CEP57L1: variants seen among roughly 807,000 people sequenced by gnomAD.
CEP57L1 encodes centrosomal protein CEP57L1.
A neutral mutation model predicts 61.0 loss-of-function variants in CEP57L1; 37 were observed. The observed-to-expected ratio is 0.61, with a 90% CI of 0.47 to 0.80. The LOEUF is 0.80. CEP57L1 is among the 30% of genes least tolerant of loss of function. The pLI is 0.00. For synonymous variants in CEP57L1, 137 were observed against 162.3 expected (o/e 0.84, Z 1.19); for missense variants, 422 against 524.7 (o/e 0.80, Z 1.91).
At chr6:109,112,599 A>G in intron 1 of CEP57L1, among the ~76,000 whole-genome samples, 1 of 151,530 alleles carries the variant, frequency 6.6e-6, no homozygotes, top group East Asian at 1.9e-4. Flanking sequence ...TTTCATTGTG[A>G]TGTTAGGTGT....
intron 1 of CEP57L1, among the ~76,000 whole-genome samples, chr6:109,125,524 A>ATATACACATATATATATATATAT (rs1562524338): frequency 7.0e-6 from 1 of 143,002 alleles, no homozygotes; most frequent in African/African-American, 2.6e-5. Context: ...ATATATATAT[A>ATATACACATATATATATATATAT]TTTTTTTTTT....
intron 1 of CEP57L1, among the ~76,000 whole-genome samples, chr6:109,115,409 A>T (rs1220597450): frequency 3.9e-5 from 6 of 152,136 alleles, no homozygotes; most frequent in Non-Finnish European, 8.8e-5. Context: ...TACAAATTAG[A>T]TTACGCTCAG....
chr6:109,160,233 C>A (rs1773595565), intron 9 of CEP57L1, among the ~76,000 whole-genome samples: 2 of 152,168 alleles, frequency 1.3e-5, no homozygotes, highest in South Asian at 4.1e-4. Flanking sequence ...TGGAATTCTT[C>A]CAAAGATCCT....
chr6:109,159,177 A>G (rs772320576), intron 8 of CEP57L1, 75 bp downstream of exon 8: 2 of 1,613,546 alleles, frequency 1.2e-6, no homozygotes, highest in African/African-American at 1.3e-5. Context: ...AAATATCTTC[A>G]GTCATTTAAA....
intron 1 of CEP57L1, among the ~76,000 whole-genome samples, chr6:109,120,161 A>G (rs1455812473): frequency 1.3e-5 from 2 of 152,186 alleles, no homozygotes; most frequent in African/African-American, 4.8e-5. Flanking sequence ...TAAGAAACCT[A>G]CTGCAGATCA....
rs1295375046 is a variant in CEP57L1 at position 109,120,910 on chromosome 6, A to ACG, written c.-3-24307_-3-24306dup. ...TTAGAAAATTCCTATACTTAGACAC[A>ACG]CGCACACACACACACACACACACAC... On this transcript the variant is annotated intron_variant, in intron 1 of 10. Coordinates refer to ENST00000517392, the MANE Select transcript of CEP57L1 (RefSeq NM_001271852.3). 2.7e-3 allele frequency among the ~76,000 whole-genome samples: 233 copies of ACG among 87,668 alleles called. 1 individual carries two copies. Among genetic ancestry groups the ACG allele is most frequent in the African/African-American group, 5.5e-3 (112 of 20,446 alleles). The allele number at this position is 87,668 out of a possible 152,430, so 57.5% of individuals were successfully genotyped here. A position where few individuals can be genotyped will look rare whatever the true frequency, so the allele number is the denominator to read the frequency against.
In CEP57L1 at chr6:109,173,875, GATCA is replaced by G. The variant is rs1295708093; in HGVS notation, c.*10906_*10909del. Among the ~76,000 whole-genome samples the G allele has an allele frequency of 4.6e-5, 7 of 151,760 alleles. No individual in the cohort carries two copies. The highest frequency in any genetic ancestry group is 4.6e-4 in the Admixed American group (7 of 15,226). ...GCACTTTGGGAGGCAAAGGAAGGTG[GATCA>G]CTTGAGGTCAGGAGTTTGAGACCAG... On this transcript the variant is annotated 3_prime_UTR_variant, in exon 11 of 11. Transcript: ENST00000517392.
chr6:109,141,699 A>G (rs1457186138), intron 1 of CEP57L1, among the ~76,000 whole-genome samples: 1 of 151,884 alleles, frequency 6.6e-6, no homozygotes, highest in African/African-American at 2.4e-5. Context: ...TATCTTATTC[A>G]GTTATAATAA....
At chr6:109,135,796 C>G (rs1774808115) in intron 1 of CEP57L1, among the ~76,000 whole-genome samples, 1 of 152,152 alleles carries the variant, frequency 6.6e-6, no homozygotes, top group Non-Finnish European at 1.5e-5. Context: ...TGTATGCAGC[C>G]AACAGACACA....
At chr6:109,157,320 C>T (rs1226733459) in intron 7 of CEP57L1, 2 of 152,140 alleles carry the variant, frequency 1.3e-5, no homozygotes, top group African/African-American at 4.8e-5. Context: ...ACTGTTTCTC[C>T]ATGTCCTGGA....
chr6:109,163,786 C>G lies in CEP57L1; in HGVS notation c.*816C>G, dbSNP rs183192575. 6.6e-6 allele frequency: 1 copy of G among 152,060 alleles called. No individual in the cohort carries two copies. 9.4% of individuals were successfully genotyped at this position (152,060 alleles called of 1,614,324 possible). A position where few individuals can be genotyped will look rare whatever the true frequency, so the allele number is the denominator to read the frequency against. Reference sequence around the variant, plus strand: ...GAAGAGGAAGCTGGGCATTAAATTACCTCATCCAGCAGAAATTCACGGTAG... The same window carrying G: ...GAAGAGGAAGCTGGGCATTAAATTAGCTCATCCAGCAGAAATTCACGGTAG... On this transcript the variant is annotated 3_prime_UTR_variant, in exon 11 of 11. Coordinates refer to ENST00000517392, the MANE Select transcript of CEP57L1 (RefSeq NM_001271852.3).
intron 10 of CEP57L1, among the ~76,000 whole-genome samples, 166 bp from the exon 11 acceptor site, chr6:109,162,583 T>A (rs117021461): frequency 1.3e-5 from 2 of 152,140 alleles, no homozygotes; most frequent in Non-Finnish European, 2.9e-5. Context: ...ACAAGCACAG[T>A]GTTAGGCATG....
intron 1 of CEP57L1, among the ~76,000 whole-genome samples, chr6:109,104,764 T>C (rs941010941): frequency 5.3e-5 from 8 of 152,098 alleles, no homozygotes; most frequent in African/African-American, 1.9e-4. Context: ...AAAATTTTTT[T>C]TTTGTAGAGA....
intron 3 of CEP57L1, among the ~76,000 whole-genome samples, chr6:109,148,294 G>A (rs1772193408): frequency 6.6e-6 from 1 of 150,670 alleles, no homozygotes; most frequent in Admixed American, 6.6e-5. Context: ...ACAGTCCCCA[G>A]AGTGCGATGT....
chr6:109,155,648 T>A (rs1270488681), intron 6 of CEP57L1, 143 bp from the exon 7 acceptor site: 1 of 590,998 alleles, frequency 1.7e-6, no homozygotes, highest in East Asian at 3.1e-5. Flanking sequence ...GACCTTCACA[T>A]GTACAAAAAC....
chr6:109,173,258 A>T lies in CEP57L1; in HGVS notation c.*10288A>T, dbSNP rs1275236701. On this transcript the variant is annotated 3_prime_UTR_variant, in exon 11 of 11. Coordinates refer to ENST00000517392, the MANE Select transcript of CEP57L1 (RefSeq NM_001271852.3). ...GTATTACTTACAAGTTATATTAATA[A>T]TTTTTATTAATTTTTTTCCTGAATC... Among the ~76,000 whole-genome samples, 2 of 151,962 alleles carry T rather than the reference A, an allele frequency of 1.3e-5. No individual in the cohort carries two copies. Among genetic ancestry groups the T allele is most frequent in the Non-Finnish European group, 2.9e-5 (2 of 67,986 alleles).
intron 1 of CEP57L1, among the ~76,000 whole-genome samples, chr6:109,105,272 C>T (rs1770791175): frequency 6.6e-6 from 1 of 152,008 alleles, no homozygotes; most frequent in Non-Finnish European, 1.5e-5. Context: ...AAGTCTGAAA[C>T]GTACTCTATA....
At chr6:109,140,942 T>C (rs1411091968) in intron 1 of CEP57L1, among the ~76,000 whole-genome samples, 1 of 152,082 alleles carries the variant, frequency 6.6e-6, no homozygotes, top group Non-Finnish European at 1.5e-5. Context: ...GCCATTCTCC[T>C]GCCTCAGCCT....
intron 2 of CEP57L1, among the ~76,000 whole-genome samples, chr6:109,146,438 C>T (rs1267906352): frequency 6.6e-6 from 1 of 151,862 alleles, no homozygotes; most frequent in African/African-American, 2.4e-5. Context: ...TACTCTTATG[C>T]TCCCCAGACT....
Sources: allele counts gnomAD v4.1 joint callset (sites outside exome capture counted in the v4.1 genomes callset), GRCh38; gene constraint gnomAD v4.1.1; transcripts MANE v1.5; gene names NCBI Gene and HGNC (gene_info 2026-07-23, HGNC 2026-07-21).